Variants in RABGEF1 observed in about 807,000 individuals in gnomAD.
RABGEF1 encodes rab5 GDP/GTP exchange factor.
In RABGEF1, 26 loss-of-function variants were observed where a neutral mutation model predicts 57.3. That is an observed-to-expected ratio of 0.45 (90% confidence interval 0.33 to 0.63). The LOEUF is 0.63. RABGEF1 is among the 20% of genes least tolerant of loss of function. The pLI, the probability that RABGEF1 is intolerant of heterozygous loss-of-function variation, is 0.02. For synonymous variants in RABGEF1, 185 were observed against 210.7 expected (o/e 0.88, Z 1.06); for missense variants, 464 against 607.6 (o/e 0.76, Z 2.48).
intron 1 of RABGEF1, among the ~76,000 whole-genome samples, chr7:66,745,905 A>T (rs73377594): frequency 0.24 from 36,150 of 152,052 alleles, 4,462 homozygotes; most frequent in East Asian, 0.31. Flanking sequence ...GGCTGCAGTG[A>T]GCTGTGATCA....
intron 1 of RABGEF1, among the ~76,000 whole-genome samples, chr7:66,685,486 C>T (rs536386421): frequency 1.7e-4 from 26 of 151,750 alleles, no homozygotes; most frequent in African/African-American, 5.8e-4. Context: ...AAGACTGCAT[C>T]TCTACAAAAA....
intron 1 of RABGEF1, among the ~76,000 whole-genome samples, chr7:66,755,418 G>A (rs1394328504): frequency 1.3e-5 from 2 of 152,142 alleles, no homozygotes; most frequent in Non-Finnish European, 2.9e-5. Flanking sequence ...CATGGCTACA[G>A]TGAGCTGTGA....
In RABGEF1 at chr7:66,809,096, G is replaced by A. The variant is rs1789110941; in HGVS notation, c.1288G>A (p.Glu430Lys). ...LNERQERIMN[E>K]AKKLEKDLID... ...TGAACGACAAGAAAGGATCATGAAT[G>A]AAGCCAAGAAACTGGAAAAAGACCT... The change falls in exon 9 of 9, where the codon GAA becomes AAA. Residue 430 changes from glutamate (E) to lysine (K), a missense_variant. Physicochemically the swap from Glu to Lys is moderately conservative, Grantham distance 56. Around this residue, in one of 4 missense-constraint regions of RABGEF1, gnomAD observed 151 missense variants for 152.2 expected, o/e 0.99. Coordinates refer to ENST00000284957, the MANE Select transcript of RABGEF1 (RefSeq NM_014504.3). The A allele has an allele frequency of 1.2e-6, 2 of 1,614,148 alleles. No individual in the cohort carries two copies. Among genetic ancestry groups the A allele is most frequent in the African/African-American group, 1.3e-5 (1 of 75,040 alleles).
intron 5 of RABGEF1, among the ~76,000 whole-genome samples, chr7:66,795,887 C>T (rs1401007074): frequency 1.3e-5 from 2 of 152,176 alleles, no homozygotes; most frequent in African/African-American, 2.4e-5. Context: ...GCCTGTAATC[C>T]CAGCACTTTG....
chr7:66,796,897 G>GT (rs751925632), intron 5 of RABGEF1: 3,873 of 365,402 alleles, frequency 0.011, 2 homozygotes, highest in East Asian at 0.02. Flanking sequence ...CAGCTGGTAA[G>GT]TTTTTTTTTT....
chr7:66,805,911 ATT>A (rs397966748), intron 8 of RABGEF1, among the ~76,000 whole-genome samples: 9 of 140,938 alleles, frequency 6.4e-5, no homozygotes, highest in Admixed American at 2.1e-4. Context: ...CACCGGGCCA[ATT>A]TTTTTTTTTT....
At chr7:66,686,231 A>C (rs545613461) in intron 1 of RABGEF1, among the ~76,000 whole-genome samples, 53 of 151,356 alleles carry the variant, frequency 3.5e-4, no homozygotes, top group African/African-American at 1.3e-3. Flanking sequence ...CAATGAGCCG[A>C]GATTGTGCCA....
intron 1 of RABGEF1, among the ~76,000 whole-genome samples, chr7:66,759,224 A>G (rs577382330): frequency 3.9e-5 from 6 of 152,226 alleles, no homozygotes; most frequent in Non-Finnish European, 7.3e-5. Context: ...AGGCTCTCAC[A>G]GGACATATTT....
At chr7:66,781,259 T>G (rs570143538) in intron 3 of RABGEF1, among the ~76,000 whole-genome samples, 21 of 152,160 alleles carry the variant, frequency 1.4e-4, no homozygotes, top group Non-Finnish European at 2.5e-4. Context: ...TCAAGTAGTA[T>G]TATATCACTT....
chr7:66,796,414 A>G (rs1023183288), intron 5 of RABGEF1, among the ~76,000 whole-genome samples: 23 of 152,310 alleles, frequency 1.5e-4, no homozygotes, highest in Admixed American at 1.5e-3. Context: ...AAGTTTCATC[A>G]GCATTCATCA....
the RABGEF1 span, among the ~76,000 whole-genome samples, chr7:66,660,366 GAAAA>G: frequency 4.9e-4 from 73 of 148,762 alleles, no homozygotes; most frequent in African/African-American, 1.7e-3. Flanking sequence ...AAAAAAGAAA[GAAAA>G]AAGAAAATGA....
At chr7:66,732,984 G>C (rs1268444952) in intron 2 of RABGEF1, among the ~76,000 whole-genome samples, 4 of 152,168 alleles carry the variant, frequency 2.6e-5, no homozygotes, top group African/African-American at 2.4e-5. Context: ...CCGTATGACT[G>C]TGTCCCTTTA....
chr7:66,795,622 G>A (rs564037503), intron 5 of RABGEF1, 30 bp downstream of exon 5: 3 of 1,547,344 alleles, frequency 1.9e-6, no homozygotes, highest in Admixed American at 3.3e-5. Flanking sequence ...AGAGATTGCG[G>A]GTATTGCACA....
intron 1 of RABGEF1, among the ~76,000 whole-genome samples, chr7:66,741,713 T>C (rs1301435889): frequency 6.6e-6 from 1 of 152,170 alleles, no homozygotes; most frequent in Non-Finnish European, 1.5e-5. Flanking sequence ...TATTATTTTT[T>C]TCGACATGGG....
At chr7:66,803,987 C>G (rs1311253795) in intron 7 of RABGEF1, among the ~76,000 whole-genome samples, 3 of 151,938 alleles carry the variant, frequency 2.0e-5, no homozygotes, top group Non-Finnish European at 2.9e-5. Context: ...CTCTGCCAAT[C>G]AGCAGGTGTG....
chr7:66,683,496 G>GA, intron 1 of RABGEF1, among the ~76,000 whole-genome samples: 1 of 152,180 alleles, frequency 6.6e-6, no homozygotes, highest in Non-Finnish European at 1.5e-5. Flanking sequence ...CAGTTGAGGA[G>GA]AAGGGACAGT....
At chr7:66,694,945 C>T (rs1439905868) in intron 1 of RABGEF1, among the ~76,000 whole-genome samples, 2 of 152,158 alleles carry the variant, frequency 1.3e-5, no homozygotes, top group Non-Finnish European at 2.9e-5. Context: ...GCCTGGAGCC[C>T]TGTTGAGGAC....
At chr7:66,808,665 T>C (rs1223817808) in intron 8 of RABGEF1, among the ~76,000 whole-genome samples, 1 of 152,146 alleles carries the variant, frequency 6.6e-6, no homozygotes, top group Admixed American at 6.5e-5. Context: ...CTGGGGAGGC[T>C]GCACCCAGAC....
At chr7:66,662,015 C>T in the RABGEF1 span, among the ~76,000 whole-genome samples, 9 of 152,010 alleles carry the variant, frequency 5.9e-5, no homozygotes, top group Non-Finnish European at 7.4e-5. Flanking sequence ...TTTGGGAGGC[C>T]GAGGCGGGTG....
Sources: allele counts gnomAD v4.1 joint callset (sites outside exome capture counted in the v4.1 genomes callset), GRCh38; gene constraint gnomAD v4.1.1; regional missense constraint gnomAD v4.1.1; transcripts MANE v1.5; gene names NCBI Gene and HGNC (gene_info 2026-07-23, HGNC 2026-07-21).